PTPRT: variants seen among roughly 807,000 people sequenced by gnomAD.
PTPRT encodes the protein protein tyrosine phosphatase receptor type T, also known as receptor-type tyrosine-protein phosphatase T.
A neutral mutation model predicts 176.8 loss-of-function variants in PTPRT; 56 were observed. The observed-to-expected ratio is 0.32, with a 90% CI of 0.26 to 0.40. The LOEUF (loss-of-function observed/expected upper bound fraction) is 0.40, where lower values mean the gene tolerates loss of function less well. PTPRT is among the 10% of genes least tolerant of loss of function. PTPRT has a pLI of 1.00. For synonymous variants in PTPRT, 783 were observed against 739.0 expected (o/e 1.06, Z -0.96); for missense variants, 1,540 against 1,908.2 (o/e 0.81, Z 3.60).
chr20:42,239,913 G>A (rs1284421539), intron 14 of PTPRT, among the ~76,000 whole-genome samples: 2 of 152,148 alleles, frequency 1.3e-5, no homozygotes, highest in Non-Finnish European at 2.9e-5. Flanking sequence ...ATAAGTCCAT[G>A]CCTCACTAGG....
At chr20:42,056,605 G>C in the PTPRT span, among the ~76,000 whole-genome samples, 5 of 152,192 alleles carry the variant, frequency 3.3e-5, no homozygotes, top group African/African-American at 1.2e-4. Flanking sequence ...ATCCCTGTGT[G>C]GATATGAGTG....
intron 18 of PTPRT, among the ~76,000 whole-genome samples, chr20:42,135,083 C>T (rs1158531790): frequency 6.6e-6 from 1 of 152,210 alleles, no homozygotes; most frequent in Non-Finnish European, 1.5e-5. Flanking sequence ...GTAGACCCAG[C>T]CTATCCCTTC....
the PTPRT span, among the ~76,000 whole-genome samples, chr20:42,062,633 C>A: frequency 6.6e-6 from 1 of 152,162 alleles, no homozygotes; most frequent in Non-Finnish European, 1.5e-5. Flanking sequence ...GCCCTTATTC[C>A]ACAAATGGCC....
rs2145547326 is a variant in PTPRT at position 42,791,262 on chromosome 20, C to G, written c.419G>C (p.Gly140Ala). Residue 140 changes from glycine (G) to alanine (A), a missense_variant, in exon 3 of 31, where the codon GGG becomes GCG. Gly to Ala is a moderately conservative substitution (Grantham distance 60, BLOSUM62 0). Transcript: ENST00000373187. ...PQGNPVWNVS[G>A]VVTEGWVKAE... ...CTTCACCCAGCCCTCAGTGACGACC[C>G]CGGACACATTCCACACAGGGTTCCC... The G allele has an allele frequency of 6.2e-7, 1 of 1,614,060 alleles. No homozygotes were observed. Among genetic ancestry groups the G allele is most frequent in the Non-Finnish European group, 8.5e-7 (1 of 1,179,908 alleles).
intron 7 of PTPRT, among the ~76,000 whole-genome samples, chr20:42,614,965 T>C (rs1388658531): frequency 6.7e-6 from 1 of 149,476 alleles, no homozygotes; most frequent in East Asian, 2.0e-4. Flanking sequence ...CTTTAAGTTT[T>C]AGGGTACATG....
chr20:43,066,591 A>G (rs956193978), intron 1 of PTPRT, among the ~76,000 whole-genome samples: 2 of 152,106 alleles, frequency 1.3e-5, no homozygotes, highest in African/African-American at 2.4e-5. Flanking sequence ...ATTCCAACCG[A>G]ATTGCACTTC....
intron 1 of PTPRT, among the ~76,000 whole-genome samples, chr20:42,905,012 G>A (rs545604442): frequency 6.6e-6 from 1 of 152,290 alleles, no homozygotes; most frequent in African/African-American, 2.4e-5. Flanking sequence ...CATGGGCAAG[G>A]ACTTCATGAC....
At chr20:42,859,082 A>G (rs1276948603) in intron 2 of PTPRT, among the ~76,000 whole-genome samples, 1 of 152,144 alleles carries the variant, frequency 6.6e-6, no homozygotes, top group African/African-American at 2.4e-5. Context: ...ACTCCAGTAG[A>G]TAGCGTTCAA....
At chr20:42,115,407 G>A (rs964348698) in intron 21 of PTPRT, 92 bp from the exon 22 acceptor site, 14 of 980,704 alleles carry the variant, frequency 1.4e-5, no homozygotes, top group Admixed American at 5.3e-5. Context: ...TCATCTGGTC[G>A]TCCCATCCAA....
chr20:42,589,458 C>G (rs1239983615), intron 7 of PTPRT, among the ~76,000 whole-genome samples: 1 of 152,176 alleles, frequency 6.6e-6, no homozygotes, highest in Admixed American at 6.5e-5. Flanking sequence ...GCAGAAATCC[C>G]ACATTTCAGC....
At chr20:42,726,920 T>C (rs2076389575) in intron 6 of PTPRT, among the ~76,000 whole-genome samples, 3 of 152,190 alleles carry the variant, frequency 2.0e-5, no homozygotes, top group African/African-American at 7.2e-5. Flanking sequence ...TTCATCCTGC[T>C]GAGATTTTGA....
chr20:42,465,856 T>C (rs929467340), intron 8 of PTPRT, among the ~76,000 whole-genome samples: 3 of 152,216 alleles, frequency 2.0e-5, no homozygotes, highest in Non-Finnish European at 4.4e-5. Flanking sequence ...GGTAGTTTGC[T>C]GGACCTATCA....
chr20:42,953,645 G>A (rs73273629), intron 1 of PTPRT, among the ~76,000 whole-genome samples: 3 of 152,080 alleles, frequency 2.0e-5, no homozygotes, highest in Admixed American at 2.0e-4. Flanking sequence ...AGAAGAGTCA[G>A]CCATCTAAAG....
chr20:42,194,384 T>C (rs1991116834), intron 16 of PTPRT, among the ~76,000 whole-genome samples: 1 of 152,020 alleles, frequency 6.6e-6, no homozygotes, highest in African/African-American at 2.4e-5. Context: ...AATAATTCAA[T>C]AGAGGGAAAG....
At chr20:42,352,330 T>C in intron 9 of PTPRT, 45 bp from the exon 10 acceptor site, 3 of 1,599,036 alleles carry the variant, frequency 1.9e-6, no homozygotes, top group Non-Finnish European at 2.6e-6. Flanking sequence ...AATGCCTCAC[T>C]CAGGAAGCTG....
At chr20:43,171,477 A>G (rs965217029) in intron 1 of PTPRT, among the ~76,000 whole-genome samples, 2 of 152,202 alleles carry the variant, frequency 1.3e-5, no homozygotes, top group Non-Finnish European at 2.9e-5. Context: ...AAGATAAACA[A>G]GAAGACCATT....
At chr20:43,151,228 C>T (rs375416358) in intron 1 of PTPRT, among the ~76,000 whole-genome samples, 2 of 150,916 alleles carry the variant, frequency 1.3e-5, no homozygotes, top group East Asian at 2.0e-4. Context: ...ATTGCTTGAA[C>T]CCGGGAGGCG....
At chr20:42,982,251 G>A (rs575443585) in intron 1 of PTPRT, among the ~76,000 whole-genome samples, 6 of 152,312 alleles carry the variant, frequency 3.9e-5, no homozygotes, top group Admixed American at 2.0e-4. Context: ...CTGCCGGCAC[G>A]GGGCTGGGTG....
chr20:43,069,754 T>C (rs569487771), intron 1 of PTPRT, among the ~76,000 whole-genome samples: 2 of 152,272 alleles, frequency 1.3e-5, no homozygotes, highest in African/African-American at 2.4e-5. Context: ...TCCCCAGAAA[T>C]GAGGTGGGAG....
Sources: gnomAD v4.1 joint callset for allele counts (sites outside exome capture counted in the v4.1 genomes callset) on GRCh38, gnomAD v4.1.1 for gene constraint, MANE v1.5 for transcripts, NCBI Gene and HGNC (gene_info 2026-07-23, HGNC 2026-07-21) for gene names.